ZDHHC15: variants seen among roughly 807,000 people sequenced by gnomAD.
The protein encoded by ZDHHC15 is zDHHC palmitoyltransferase 15.
In ZDHHC15, 19 loss-of-function variants were observed where a neutral mutation model predicts 31.7. The ratio of observed to expected loss-of-function variants is 0.60; its 90% CI spans 0.42 to 0.88. The LOEUF is 0.88. Among genes scored for constraint, ZDHHC15 ranks in the 40% least tolerant of loss-of-function variants. The probability of loss-of-function intolerance (pLI) is 0.00; values close to 1 mark genes in which losing one functional copy is unlikely to be tolerated. For synonymous variants in ZDHHC15, 103 were observed against 90.0 expected, an observed-to-expected ratio of 1.14 and a Z score of -0.82; for missense variants, 209 against 251.2, an observed-to-expected ratio of 0.83 and a Z score of 1.14.
intron 3 of ZDHHC15, among the ~76,000 whole-genome samples, chrX:75,471,922 T>A (rs2084508928): frequency 9.0e-6 from 1 of 111,692 alleles, no homozygotes. Context: ...GAGAGACAGC[T>A]CTTGGCCTAT....
intron 7 of ZDHHC15, among the ~76,000 whole-genome samples, chrX:75,428,256 G>A (rs1237393867): frequency 9.0e-6 from 1 of 111,453 alleles, no homozygotes; most frequent in East Asian, 2.8e-4. Context: ...GAGTCCACTA[G>A]TATGACATTT....
intron 10 of ZDHHC15, among the ~76,000 whole-genome samples, chrX:75,380,874 G>A (rs2083107171): frequency 9.0e-6 from 1 of 111,183 alleles, no homozygotes. Context: ...TTAAGCTCTG[G>A]CTCTCTTCCT....
intron 1 of ZDHHC15, among the ~76,000 whole-genome samples, chrX:75,516,769 CA>C (rs1466196122): frequency 9.0e-6 from 1 of 111,650 alleles, no homozygotes; most frequent in Non-Finnish European, 1.9e-5. Context: ...TTCTGCACAG[CA>C]AAAGAAACTA....
intron 9 of ZDHHC15, among the ~76,000 whole-genome samples, chrX:75,419,484 C>T (rs868269937): frequency 1.8e-5 from 2 of 110,807 alleles, no homozygotes; most frequent in Admixed American, 1.9e-4. Context: ...AATAGGAACA[C>T]TTTTATACTG....
At chrX:75,383,599 T>A (rs1332399354) in intron 10 of ZDHHC15, among the ~76,000 whole-genome samples, 1 of 111,312 alleles carries the variant, frequency 9.0e-6, no homozygotes, top group Non-Finnish European at 1.9e-5. Flanking sequence ...AATCATTGTA[T>A]CCTTTGAATT....
rs1041686233 is a variant in ZDHHC15, at chrX:75,369,095, C to T, written c.*3883G>A. The T allele has an allele frequency of 8.9e-6, 1 of 111,964 alleles. No individual in the cohort carries two copies. Among genetic ancestry groups the T allele is most frequent in the Admixed American group, 9.5e-5 (1 of 10,532 alleles). 9.2% of individuals were successfully genotyped at this position (111,964 alleles called of 1,213,427 possible). A position where few individuals can be genotyped will look rare whatever the true frequency, so the allele number is the denominator to read the frequency against. ...ATATGGATCTTGTCCAAGGGCCTGA[C>T]AATCTCATTAGATGCCCCCTGTGCT... On this transcript the variant is annotated 3_prime_UTR_variant, in exon 12 of 12. Transcript: ENST00000373367.
At chrX:75,386,282 G>A (rs981083330) in intron 10 of ZDHHC15, among the ~76,000 whole-genome samples, 3 of 111,543 alleles carry the variant, frequency 2.7e-5, no homozygotes, top group African/African-American at 9.8e-5. Flanking sequence ...ATTCCCCCCA[G>A]TCCTGATTAT....
rs749346642 is a variant in ZDHHC15, at chrX:75,372,453, A to C, written c.*525T>G. On this transcript the variant is annotated 3_prime_UTR_variant, in exon 12 of 12. Transcript: ENST00000373367. Reference sequence around the variant, plus strand: ...TTTAGAGGAAAAGCATAATTAAACAAAGGCTTCAGGTTTTTAGCCCTGATT... The same window carrying C: ...TTTAGAGGAAAAGCATAATTAAACACAGGCTTCAGGTTTTTAGCCCTGATT... The C allele has an allele frequency of 5.4e-5, 6 of 111,902 alleles. No homozygotes were observed. Among genetic ancestry groups the C allele is most frequent in the Non-Finnish European group, 9.4e-5 (5 of 53,159 alleles). 9.2% of individuals were successfully genotyped at this position (111,902 alleles called of 1,213,427 possible).
At chrX:75,379,235 C>T (rs1288334044) in intron 10 of ZDHHC15, 37 bp from the exon 11 acceptor site, 6 of 1,199,332 alleles carry the variant, frequency 5.0e-6, no homozygotes, top group South Asian at 1.8e-5. Flanking sequence ...CAAATGTCCC[C>T]GTGCCTTATA....
chrX:75,392,125 A>C (rs1349702404), intron 10 of ZDHHC15, among the ~76,000 whole-genome samples: 1 of 112,023 alleles, frequency 8.9e-6, no homozygotes, highest in Non-Finnish European at 1.9e-5. Flanking sequence ...TCTATAGGGG[A>C]ATTTATTAAG....
chrX:75,455,249 C>G (rs1415441225), intron 3 of ZDHHC15, among the ~76,000 whole-genome samples: 9 of 111,309 alleles, frequency 8.1e-5, no homozygotes, highest in African/African-American at 2.6e-4. Flanking sequence ...ACAAACCTGA[C>G]AAAAACAAGA....
intron 2 of ZDHHC15, among the ~76,000 whole-genome samples, chrX:75,486,502 C>T (rs1408044626): frequency 1.8e-5 from 2 of 112,363 alleles, no homozygotes; most frequent in African/African-American, 6.5e-5. Context: ...AGCATAGAAG[C>T]CATAGCTGAC....
chrX:75,370,244 A>G lies in ZDHHC15; in HGVS notation c.*2734T>C, dbSNP rs989945684. 9.0e-6 allele frequency: 1 copy of G among 111,574 alleles called. No individual in the cohort carries two copies. Among genetic ancestry groups the G allele is most frequent in the Non-Finnish European group, 1.9e-5 (1 of 53,176 alleles). 9.2% of individuals were successfully genotyped at this position (111,574 alleles called of 1,213,427 possible). A position where few individuals can be genotyped will look rare whatever the true frequency, so the allele number is the denominator to read the frequency against. On this transcript the variant is annotated 3_prime_UTR_variant, in exon 12 of 12. Coordinates refer to ENST00000373367, the MANE Select transcript of ZDHHC15 (RefSeq NM_144969.3). ...CATTTTGCAAACGGAGAAAATGAGT[A>G]TCAACAATTAGGGAATGAGATTCCA... is the stretch of plus-strand genomic sequence containing the variant.
At chrX:75,383,248 T>C (rs2083135736) in intron 10 of ZDHHC15, among the ~76,000 whole-genome samples, 1 of 112,463 alleles carries the variant, frequency 8.9e-6, no homozygotes, top group South Asian at 3.7e-4. Context: ...ACCTGGCACA[T>C]AATTGGCATT....
rs35704680 is a variant in ZDHHC15, at chrX:75,373,926, G to GTTTTTTTTTTTTT, written c.*33-994_*33-982dup. ...ATACTAGGTCTTATTCATTCTTTCT[G>GTTTTTTTTTTTTT]TTTTTTTTTTTTTTTTTTTTTTGTA... On this transcript the variant is annotated intron_variant, in intron 11 of 11. Coordinates refer to ENST00000373367, the MANE Select transcript of ZDHHC15 (RefSeq NM_144969.3). Among the ~76,000 whole-genome samples the GTTTTTTTTTTTTT allele has an allele frequency of 1.2e-3, 59 of 50,448 alleles. 13 individuals carry two copies. The highest frequency in any genetic ancestry group is 1.4e-3 in the Non-Finnish European group (40 of 29,373). 43.8% of individuals were successfully genotyped at this position (50,448 alleles called of 115,157 possible).
At chrX:75,451,236 A>C (rs761456053) in intron 3 of ZDHHC15, among the ~76,000 whole-genome samples, 9 of 112,046 alleles carry the variant, frequency 8.0e-5, no homozygotes, top group African/African-American at 2.6e-4. Flanking sequence ...TGATTTCAAG[A>C]CTTGTCCCTT....
intron 3 of ZDHHC15, among the ~76,000 whole-genome samples, chrX:75,466,324 G>A (rs776762764): frequency 3.6e-5 from 4 of 111,961 alleles, no homozygotes; most frequent in Non-Finnish European, 7.5e-5. Context: ...ATAAAAGAAT[G>A]CCTTTACACT....
intron 2 of ZDHHC15, among the ~76,000 whole-genome samples, chrX:75,493,515 T>C (rs1190776382): frequency 9.0e-6 from 1 of 111,588 alleles, no homozygotes; most frequent in Non-Finnish European, 1.9e-5. Flanking sequence ...TTGATGAACA[T>C]CCATGCAAAA....
chrX:75,418,509 C>G (rs993467123), intron 9 of ZDHHC15, among the ~76,000 whole-genome samples: 1 of 112,195 alleles, frequency 8.9e-6, no homozygotes, highest in Admixed American at 9.5e-5. Flanking sequence ...TCATCCACTA[C>G]TTTCCCTGCA....
Sources: gnomAD v4.1 joint callset for allele counts (sites outside exome capture counted in the v4.1 genomes callset) on GRCh38, gnomAD v4.1.1 for gene constraint, MANE v1.5 for transcripts, NCBI Gene and HGNC (gene_info 2026-07-23, HGNC 2026-07-21) for gene names.